The following ITFG1 variants were observed in gnomAD, a reference collection of about 807,000 sequenced individuals.
ITFG1 encodes T-cell immunomodulatory protein.
A neutral mutation model predicts 81.8 loss-of-function variants in ITFG1; 34 were observed. The observed-to-expected ratio is 0.42, with a 90% CI of 0.32 to 0.55. The LOEUF is 0.55. Ranked by LOEUF, ITFG1 falls within the 20% of genes least tolerant of loss-of-function variation. ITFG1 has a pLI of 0.17. For synonymous variants in ITFG1, 285 were observed against 270.6 expected (o/e 1.05, Z -0.52); for missense variants, 672 against 755.4 (o/e 0.89, Z 1.29).
intron 14 of ITFG1, among the ~76,000 whole-genome samples, chr16:47,169,269 T>C (rs1329106529): frequency 6.6e-6 from 1 of 152,218 alleles, no homozygotes; most frequent in Admixed American, 6.5e-5. Flanking sequence ...ACAGACCACT[T>C]GAATCTGTAG....
At chr16:47,159,326 C>A (rs1173779833) in intron 16 of ITFG1, among the ~76,000 whole-genome samples, 1 of 152,102 alleles carries the variant, frequency 6.6e-6, no homozygotes, top group African/African-American at 2.4e-5. Flanking sequence ...TCATAGACAT[C>A]TTTTTTACAT....
intron 8 of ITFG1, among the ~76,000 whole-genome samples, chr16:47,359,182 G>A (rs1049386454): frequency 6.6e-6 from 1 of 152,174 alleles, no homozygotes; most frequent in African/African-American, 2.4e-5. Flanking sequence ...GGATGCTTTG[G>A]ACATGCGCTC....
At position 47,181,379 on chromosome 16, in the gene ITFG1, C is replaced by A. The variant is rs565190411; in HGVS notation, c.1454-18715G>T. 7.7e-4 allele frequency among the ~76,000 whole-genome samples: 113 copies of A among 146,420 alleles called. 1 individual carries two copies. The highest frequency in any genetic ancestry group is 3.6e-3 in the Middle Eastern group (1 of 274). ...GGGGGTCAGCCCCCCGCCCGGCCAGCCACCCCGTCCGGCAGGGAGATGGGG... is the reference window on the plus strand; with the variant it reads ...GGGGGTCAGCCCCCCGCCCGGCCAGACACCCCGTCCGGCAGGGAGATGGGG... On this transcript the variant is annotated intron_variant, in intron 14 of 17. Transcript: ENST00000320640.
chr16:47,273,545 T>C (rs1439122516), intron 10 of ITFG1, among the ~76,000 whole-genome samples: 1 of 152,216 alleles, frequency 6.6e-6, no homozygotes, highest in Non-Finnish European at 1.5e-5. Context: ...ACTTTATCTC[T>C]GGGCAAATGC....
chr16:47,376,038 C>A lies in ITFG1; in HGVS notation c.656-98G>T. 3 of 629,146 alleles carry A rather than the reference C, an allele frequency of 4.8e-6. No individual in the cohort carries two copies. In the South Asian group the frequency reaches 6.1e-5, roughly 13 times the overall value. The allele number at this position is 629,146 out of a possible 1,614,324, so 39.0% of individuals were successfully genotyped here. ...ATGCAATACATTAAAAGAATTGACACAATTCTACTTAAACATATTTTAAAT... is the reference window on the plus strand; with the variant it reads ...ATGCAATACATTAAAAGAATTGACAAAATTCTACTTAAACATATTTTAAAT... On this transcript the variant is annotated intron_variant, in intron 6 of 17. Transcript: ENST00000320640.
chr16:47,455,886 A>G (rs1969446544), intron 2 of ITFG1, among the ~76,000 whole-genome samples: 2 of 151,980 alleles, frequency 1.3e-5, no homozygotes, highest in South Asian at 2.1e-4. Flanking sequence ...AGAAACAGAT[A>G]AGATAAAGGA....
rs559609240 is a variant in ITFG1, at chr16:47,327,661, C to T, written c.803-13838G>A. Among the ~76,000 whole-genome samples the T allele has an allele frequency of 2.6e-5, 4 of 152,244 alleles. No homozygotes were observed. In the South Asian group the frequency reaches 6.2e-4, roughly 24 times the overall value. ...ACAAACAACCTCATCAAAAAGTGGGCAAAGGATATGAACAGACACTTCTCA... is the reference window on the plus strand; with the variant it reads ...ACAAACAACCTCATCAAAAAGTGGGTAAAGGATATGAACAGACACTTCTCA... On this transcript the variant is annotated intron_variant, in intron 8 of 17. Transcript: ENST00000320640.
At chr16:47,442,735 T>C (rs929925755) in intron 5 of ITFG1, among the ~76,000 whole-genome samples, 1 of 152,168 alleles carries the variant, frequency 6.6e-6, no homozygotes, top group African/African-American at 2.4e-5. Context: ...CCTTACACCT[T>C]ATACAAAAAT....
At chr16:47,206,107 C>A (rs1387652480) in intron 14 of ITFG1, among the ~76,000 whole-genome samples, 1 of 151,970 alleles carries the variant, frequency 6.6e-6, no homozygotes, top group African/African-American at 2.4e-5. Flanking sequence ...CTCAAGTGAT[C>A]CACCCACCTC....
intron 13 of ITFG1, among the ~76,000 whole-genome samples, chr16:47,233,399 T>G (rs1379341951): frequency 6.6e-6 from 1 of 152,114 alleles, no homozygotes; most frequent in Non-Finnish European, 1.5e-5. Flanking sequence ...GTAGACTAGC[T>G]TCAGTGTTCA....
rs151311027 is a variant in ITFG1, at chr16:47,440,927, G to C, written c.560+10469C>G. On this transcript the variant is annotated intron_variant, in intron 5 of 17. Coordinates refer to ENST00000320640, the MANE Select transcript of ITFG1 (RefSeq NM_030790.5). Reference sequence around the variant, plus strand: ...GTTTTTCGAAAAGATCAACAAAACTGATAGACCGCTAGCAAGACTAATAAA... The same window carrying C: ...GTTTTTCGAAAAGATCAACAAAACTCATAGACCGCTAGCAAGACTAATAAA... Among the ~76,000 whole-genome samples, 669 of 152,208 alleles carry C rather than the reference G, an allele frequency of 4.4e-3. 7 individuals carry two copies. Among genetic ancestry groups the C allele is most frequent in the African/African-American group, 0.015 (624 of 41,508 alleles).
intron 6 of ITFG1, among the ~76,000 whole-genome samples, chr16:47,420,563 G>A (rs1347299920): frequency 6.6e-6 from 1 of 152,174 alleles, no homozygotes; most frequent in African/African-American, 2.4e-5. Flanking sequence ...GATCCCTTAT[G>A]AATGTCTTGG....
intron 12 of ITFG1, among the ~76,000 whole-genome samples, chr16:47,239,442 G>T (rs777702989): frequency 6.6e-6 from 1 of 151,986 alleles, no homozygotes; most frequent in Non-Finnish European, 1.5e-5. Flanking sequence ...CTTGTGATCC[G>T]CCTGCCTCGG....
intron 6 of ITFG1, among the ~76,000 whole-genome samples, chr16:47,401,195 C>T (rs1424972737): frequency 1.3e-5 from 2 of 152,084 alleles, no homozygotes; most frequent in Non-Finnish European, 2.9e-5. Context: ...AGAGAGGAGT[C>T]AAGAGTGACT....
chr16:47,166,982 C>T (rs1412330371), intron 14 of ITFG1, among the ~76,000 whole-genome samples: 1 of 152,194 alleles, frequency 6.6e-6, no homozygotes, highest in South Asian at 2.1e-4. Flanking sequence ...ACATAGCATA[C>T]AATTAACTAC....
In ITFG1 at chr16:47,212,795, G is replaced by C. The variant is rs374499640; in HGVS notation, c.1453+6073C>G. ...AGTCATCTGATTCATTCCTGACACT[G>C]GCAATTTATGTCTCCTCTCTCTTTT... On this transcript the variant is annotated intron_variant, in intron 14 of 17. Coordinates refer to ENST00000320640, the MANE Select transcript of ITFG1 (RefSeq NM_030790.5). Among the ~76,000 whole-genome samples the C allele has an allele frequency of 1.6e-4, 24 of 152,238 alleles. No individual in the cohort carries two copies. The East Asian group carries it at 4.6e-3, about 29-fold the overall frequency.
At chr16:47,237,379 G>A (rs1295821573) in intron 13 of ITFG1, among the ~76,000 whole-genome samples, 1 of 152,032 alleles carries the variant, frequency 6.6e-6, no homozygotes, top group Non-Finnish European at 1.5e-5. Flanking sequence ...TATGAAACAA[G>A]GATTACTACA....
intron 12 of ITFG1, among the ~76,000 whole-genome samples, chr16:47,248,480 A>T (rs1966028190): frequency 6.6e-6 from 1 of 152,244 alleles, no homozygotes; most frequent in Non-Finnish European, 1.5e-5. Flanking sequence ...ATAATCAAAA[A>T]AGTAAAAGGA....
chr16:47,403,856 G>T (rs1356877334), intron 6 of ITFG1, among the ~76,000 whole-genome samples: 1 of 150,412 alleles, frequency 6.6e-6, no homozygotes, highest in African/African-American at 2.5e-5. Context: ...CTAGGTCAGG[G>T]GTCCCTAACC....
Sources: allele counts gnomAD v4.1 joint callset (sites outside exome capture counted in the v4.1 genomes callset), GRCh38; gene constraint gnomAD v4.1.1; transcripts MANE v1.5; gene names NCBI Gene and HGNC (gene_info 2026-07-23, HGNC 2026-07-21).